NEO1: variants seen among roughly 807,000 people sequenced by gnomAD.
NEO1 encodes the protein neogenin.
In NEO1, 63 loss-of-function variants were observed where a neutral mutation model predicts 159.7. That is an observed-to-expected ratio of 0.39 (90% confidence interval 0.32 to 0.49). NEO1 has a LOEUF of 0.49. Among genes scored for constraint, NEO1 ranks in the 20% least tolerant of loss-of-function variants. The probability of loss-of-function intolerance (pLI) is 0.85; values close to 1 mark genes in which losing one functional copy is unlikely to be tolerated. For missense variants in NEO1, 1,615 were observed against 1,831.0 expected (o/e 0.88, Z 2.15); for synonymous variants, 633 against 662.0 (o/e 0.96, Z 0.67).
intron 7 of NEO1, among the ~76,000 whole-genome samples, chr15:73,199,409 G>T (rs2036734082): frequency 2.0e-5 from 3 of 151,862 alleles, no homozygotes; most frequent in South Asian, 2.1e-4. Flanking sequence ...TTGGAAAAAA[G>T]TCATTATACA....
At chr15:73,070,676 A>G (rs554652920) in intron 1 of NEO1, among the ~76,000 whole-genome samples, 28 of 152,314 alleles carry the variant, frequency 1.8e-4, no homozygotes, top group African/African-American at 6.5e-4. Context: ...TTCCCTGTAC[A>G]TACATATGGC....
At chr15:73,107,606 C>CA (rs2151551149) in intron 1 of NEO1, among the ~76,000 whole-genome samples, 2 of 152,268 alleles carry the variant, frequency 1.3e-5, no homozygotes, top group East Asian at 3.9e-4. Context: ...ACTGAATCAG[C>CA]ATTCCTAAAG....
chr15:73,225,703 C>T (rs555236205), intron 7 of NEO1, among the ~76,000 whole-genome samples: 73 of 152,248 alleles, frequency 4.8e-4, no homozygotes, highest in African/African-American at 1.7e-3. Flanking sequence ...AGAACTTGCC[C>T]CAGGCTGCCT....
At chr15:73,168,647 A>G (rs2034749248) in intron 5 of NEO1, among the ~76,000 whole-genome samples, 1 of 152,162 alleles carries the variant, frequency 6.6e-6, no homozygotes, top group South Asian at 2.1e-4. Flanking sequence ...TTGTTATAAT[A>G]TTACTTCAAA....
chr15:73,293,115 A>G (rs1415608363), intron 25 of NEO1, among the ~76,000 whole-genome samples: 1 of 152,156 alleles, frequency 6.6e-6, no homozygotes, highest in African/African-American at 2.4e-5. Context: ...AATCCTGACC[A>G]CTCTTCCCTG....
chr15:73,176,354 T>G, intron 5 of NEO1, 49 bp from the exon 6 acceptor site: 3 of 1,216,852 alleles, frequency 2.5e-6, no homozygotes, highest in Non-Finnish European at 3.3e-6. Flanking sequence ...TATGAATAGC[T>G]GCCTAGTTCT....
chr15:73,107,820 A>G (rs1432322461), intron 1 of NEO1, among the ~76,000 whole-genome samples: 1 of 152,244 alleles, frequency 6.6e-6, no homozygotes, highest in Non-Finnish European at 1.5e-5. Flanking sequence ...TATTGGGTGA[A>G]TGTGCATCAG....
At chr15:73,266,174 TACA>T in intron 15 of NEO1, 139 bp from the exon 16 acceptor site, 1 of 619,024 alleles carries the variant, frequency 1.6e-6, no homozygotes, top group Non-Finnish European at 2.8e-6. Flanking sequence ...CATATCTCCC[TACA>T]ACCTGAAATA....
At chr15:73,142,890 A>G (rs960272132) in intron 5 of NEO1, among the ~76,000 whole-genome samples, 3 of 152,252 alleles carry the variant, frequency 2.0e-5, no homozygotes, top group East Asian at 3.8e-4. Flanking sequence ...AAAGTTAACC[A>G]GTCACTTGTT....
At chr15:73,077,296 G>C (rs933486799) in intron 1 of NEO1, among the ~76,000 whole-genome samples, 2 of 152,076 alleles carry the variant, frequency 1.3e-5, no homozygotes, top group Non-Finnish European at 2.9e-5. Flanking sequence ...CACTCACCTC[G>C]GCCTCCCAAA....
chr15:73,224,848 T>C (rs1368933013), intron 7 of NEO1, among the ~76,000 whole-genome samples: 1 of 152,058 alleles, frequency 6.6e-6, no homozygotes, highest in Non-Finnish European at 1.5e-5. Context: ...GGTGAACTAG[T>C]ATGATTTTTT....
intron 2 of NEO1, among the ~76,000 whole-genome samples, chr15:73,118,702 A>G (rs760568733): frequency 5.3e-5 from 8 of 152,170 alleles, no homozygotes; most frequent in Non-Finnish European, 1.2e-4. Flanking sequence ...TTCTGTGATG[A>G]CTGCATACAG....
chr15:73,158,180 A>C lies in NEO1; in HGVS notation c.1016-18223A>C, dbSNP rs114495843. On this transcript the variant is annotated intron_variant, in intron 5 of 28. Coordinates refer to ENST00000261908, the MANE Select transcript of NEO1 (RefSeq NM_002499.4). ...CAGTGAGCCGAGATCGTCCTGCTGC[A>C]CTCCAGCCTGGGAGAAAGAGTGAGA... 9.5e-3 allele frequency among the ~76,000 whole-genome samples: 1,272 copies of C among 134,072 alleles called. 23 individuals are homozygous for C. Among genetic ancestry groups the C allele is most frequent in the African/African-American group, 0.033 (1,200 of 36,076 alleles). The allele number at this position is 134,072 out of a possible 152,430, so 88.0% of individuals were successfully genotyped here. A position where few individuals can be genotyped will look rare whatever the true frequency, so the allele number is the denominator to read the frequency against.
chr15:73,079,922 T>C lies in NEO1; in HGVS notation c.130+27117T>C, dbSNP rs1468115311. ...TAATAGTGATAGGGACCTTGGTCAA[T>C]AGAATGATGGAATATATGATGTATA... On this transcript the variant is annotated intron_variant, in intron 1 of 28. Coordinates refer to ENST00000261908, the MANE Select transcript of NEO1 (RefSeq NM_002499.4). 2.0e-5 allele frequency among the ~76,000 whole-genome samples: 3 copies of C among 152,184 alleles called. No individual in the cohort carries two copies. The East Asian group carries it at 5.8e-4, about 29-fold the overall frequency.
intron 7 of NEO1, among the ~76,000 whole-genome samples, chr15:73,216,038 C>T (rs754609461): frequency 6.6e-6 from 1 of 151,762 alleles, no homozygotes; most frequent in Non-Finnish European, 1.5e-5. Flanking sequence ...CCCACTAACT[C>T]GTCATCTAGC....
At chr15:73,280,342 TATA>T (rs1464963206) in intron 22 of NEO1, among the ~76,000 whole-genome samples, 2 of 151,778 alleles carry the variant, frequency 1.3e-5, no homozygotes, top group East Asian at 3.9e-4. Flanking sequence ...AGAAATGGCA[TATA>T]TATTGTCCCT....
intron 5 of NEO1, among the ~76,000 whole-genome samples, chr15:73,173,876 GAT>G (rs746837739): frequency 6.6e-6 from 1 of 152,032 alleles, no homozygotes; most frequent in Non-Finnish European, 1.5e-5. Context: ...GAGGCAGGTG[GAT>G]CACCTGAGGT....
intron 1 of NEO1, among the ~76,000 whole-genome samples, chr15:73,098,840 A>G (rs1353675228): frequency 6.6e-6 from 1 of 152,220 alleles, no homozygotes; most frequent in Non-Finnish European, 1.5e-5. Context: ...ATTTTCCTCT[A>G]TAGTGAATGC....
chr15:73,126,186 AC>A (rs1354022731), intron 3 of NEO1, among the ~76,000 whole-genome samples: 1 of 152,164 alleles, frequency 6.6e-6, no homozygotes, highest in Non-Finnish European at 1.5e-5. Flanking sequence ...AGCCACACAG[AC>A]TGAATAAGAA....
Sources: gnomAD v4.1 joint callset for allele counts (sites outside exome capture counted in the v4.1 genomes callset) on GRCh38, gnomAD v4.1.1 for gene constraint, MANE v1.5 for transcripts, NCBI Gene and HGNC (gene_info 2026-07-23, HGNC 2026-07-21) for gene names.